The following CEACAM21 variants were observed in gnomAD, a reference collection of about 807,000 sequenced individuals.
CEACAM21 encodes the protein CEA cell adhesion molecule 21, also known as cell adhesion molecule CEACAM21.
CEACAM21 carries 38 observed loss-of-function variants against 33.2 expected under a neutral mutation model. That is an observed-to-expected ratio of 1.14 (90% CI 0.88 to 1.50). The LOEUF is 1.50. Ranked by LOEUF, CEACAM21 falls within the 40% of genes most tolerant of loss-of-function variation. CEACAM21 has a pLI of 0.00. For synonymous variants in CEACAM21, 156 were observed against 143.0 expected, an observed-to-expected ratio of 1.09 and a Z score of -0.65; for missense variants, 385 against 364.6, an observed-to-expected ratio of 1.06 and a Z score of -0.46.
intron 2 of CEACAM21, among the ~76,000 whole-genome samples, chr19:41,566,754 C>T (rs544354173): frequency 4.6e-4 from 70 of 152,212 alleles, no homozygotes; most frequent in African/African-American, 1.7e-3. Flanking sequence ...TTAAAATTCA[C>T]CATAAAAATA....
rs1350099947 is a variant in CEACAM21, at chr19:41,586,694, G to A, written c.*231G>A. The stretch of plus-strand genomic sequence containing the variant: ...TGGGGGTCCCTGCTGAATATATAGA[G>A]ACCTCAACAGACTGCCCCGGGCTCT... On this transcript the variant is annotated 3_prime_UTR_variant, in exon 7 of 7. Coordinates refer to ENST00000401445, the MANE Select transcript of CEACAM21 (RefSeq NM_001098506.4). 3 of 406,760 alleles carry A rather than the reference G, an allele frequency of 7.4e-6. No individual in the cohort carries two copies. The highest frequency in any genetic ancestry group is 2.0e-5 in the South Asian group (1 of 49,688). 25.2% of individuals were successfully genotyped at this position (406,760 alleles called of 1,614,324 possible).
At chr19:41,556,541 A>G (rs529779420) in intron 1 of CEACAM21, among the ~76,000 whole-genome samples, 1 of 152,394 alleles carries the variant, frequency 6.6e-6, no homozygotes, top group East Asian at 1.9e-4. Flanking sequence ...CAGATCTCTT[A>G]TAATCAGATT....
chr19:41,564,065 G>C (rs370959788), intron 1 of CEACAM21, among the ~76,000 whole-genome samples: 2 of 152,202 alleles, frequency 1.3e-5, no homozygotes. Context: ...GGTAAACCTA[G>C]CCTGTCTCAC....
At chr19:41,572,041 A>G (rs1286508528), upstream of CEACAM21, among the ~76,000 whole-genome samples, 2 of 152,116 alleles carry the variant, frequency 1.3e-5, no homozygotes, top group African/African-American at 4.8e-5. Flanking sequence ...GTAGAAATAG[A>G]GAAAAAATGC....
chr19:41,554,117 T>G (rs767508274), intron 1 of CEACAM21, among the ~76,000 whole-genome samples: 2 of 152,056 alleles, frequency 1.3e-5, no homozygotes, highest in Non-Finnish European at 2.9e-5. Context: ...AAAAGATCAC[T>G]TCAGCCTCCT....
intron 1 of CEACAM21, chr19:41,554,868 T>A (rs2041444001): frequency 6.6e-6 from 1 of 152,110 alleles, no homozygotes; most frequent in Non-Finnish European, 1.5e-5. Context: ...TTAATTAATT[T>A]TTTCATAAAC....
At chr19:41,562,979 C>T (rs1344767422) in intron 1 of CEACAM21, among the ~76,000 whole-genome samples, 1 of 152,170 alleles carries the variant, frequency 6.6e-6, no homozygotes, top group Non-Finnish European at 1.5e-5. Flanking sequence ...CCGCCTGCCT[C>T]CGCCTCCCGA....
intron 1 of CEACAM21, among the ~76,000 whole-genome samples, chr19:41,561,135 C>G (rs1555786745): frequency 6.6e-6 from 1 of 152,162 alleles, no homozygotes; most frequent in East Asian, 1.9e-4. Context: ...ATATGAGACA[C>G]AATGACATTT....
upstream of CEACAM21, among the ~76,000 whole-genome samples, chr19:41,574,954 A>G (rs1200047130): frequency 6.6e-6 from 1 of 152,250 alleles, no homozygotes; most frequent in Non-Finnish European, 1.5e-5. Flanking sequence ...CCATTAAGAG[A>G]TGAATGAATT....
At chr19:41,563,175 G>A (rs879953155) in intron 1 of CEACAM21, among the ~76,000 whole-genome samples, 5 of 152,166 alleles carry the variant, frequency 3.3e-5, no homozygotes, top group Non-Finnish European at 7.3e-5. Context: ...ATGGAATTGG[G>A]TTGGGATACA....
rs1416083771 is a variant in CEACAM21, at chr19:41,585,927, A to C, written c.*56A>C. The C allele has an allele frequency of 3.2e-6, 5 of 1,564,140 alleles. No homozygotes were observed. In the African/African-American group the frequency reaches 5.4e-5, roughly 17 times the overall value. On this transcript the variant is annotated intron_variant, in intron 6 of 6. Transcript: ENST00000401445. ...ACTGGGGCCCCAGCTGTGCAGGCTC[A>C]GGGCAGGGGGACTGTCAATCCCCAG...
At chr19:41,585,925 T>G (rs1327134211) in intron 6 of CEACAM21, 54 bp downstream of exon 6, 14 of 1,574,780 alleles carry the variant, frequency 8.9e-6, no homozygotes, top group Admixed American at 3.4e-5. Context: ...CTGTGCAGGC[T>G]CAGGGCAGGG....
chr19:41,577,630 T>C lies in CEACAM21; in HGVS notation c.424+71T>C, dbSNP rs2043051557. The C allele has an allele frequency of 6.3e-6, 10 of 1,592,166 alleles. No individual in the cohort carries two copies. In the South Asian group the frequency reaches 1.1e-4, roughly 18 times the overall value. On this transcript the variant is annotated intron_variant, in intron 2 of 6. Transcript: ENST00000401445. ...TTCACATACGCAGGATTGTCAGGCCTGGGCTGTGCCTGCATCCCCCTCTGC... is the reference window on the plus strand; with the variant it reads ...TTCACATACGCAGGATTGTCAGGCCCGGGCTGTGCCTGCATCCCCCTCTGC...
chr19:41,576,340 T>C lies in CEACAM21; in HGVS notation c.64+2T>C. 6.2e-7 allele frequency: 1 copy of C among 1,608,508 alleles called. No individual in the cohort carries two copies. The highest frequency in any genetic ancestry group is 8.5e-7 in the Non-Finnish European group (1 of 1,177,142). On this transcript the variant is annotated splice_donor_variant, in intron 1 of 6. Transcript: ENST00000401445. LOFTEE classifies it high-confidence loss of function. ...CCTGGCAGGGGCTCTTGCTCACAGGTGAGGGGAGGACTCCCTGGGAGTGGG... is the reference window on the plus strand; with the variant it reads ...CCTGGCAGGGGCTCTTGCTCACAGGCGAGGGGAGGACTCCCTGGGAGTGGG...
At chr19:41,579,077 T>A (rs2043170457) in intron 2 of CEACAM21, among the ~76,000 whole-genome samples, 1 of 152,126 alleles carries the variant, frequency 6.6e-6, no homozygotes, top group Non-Finnish European at 1.5e-5. Context: ...CCCCAGGTAT[T>A]GCATCTCATG....
chr19:41,584,417 T>C lies in CEACAM21; in HGVS notation c.771T>C (p.Cys257=), dbSNP rs782650253. 12 of 1,609,110 alleles carry C rather than the reference T, an allele frequency of 7.5e-6. No individual in the cohort carries two copies. Among genetic ancestry groups the C allele is most frequent in the South Asian group, 3.3e-5 (3 of 90,198 alleles). ...VGSLLVAALV[C]FLLLRKTGRA... ...GTCTTCTGGTGGCTGCACTTGTGTG[T>C]TTCCTGCTCCTCCGAAAAACTGGCA... Residue 257 remains cysteine (C), a synonymous_variant, in exon 4 of 7, where the codon TGT becomes TGC. Transcript: ENST00000401445.
At chr19:41,552,619 C>G (rs1441086160) in intron 1 of CEACAM21, among the ~76,000 whole-genome samples, 1 of 152,130 alleles carries the variant, frequency 6.6e-6, no homozygotes, top group African/African-American at 2.4e-5. Flanking sequence ...TTCTATCATG[C>G]TTGTATATTT....
At chr19:41,560,381 C>T (rs1353474340) in intron 1 of CEACAM21, among the ~76,000 whole-genome samples, 6 of 152,132 alleles carry the variant, frequency 3.9e-5, no homozygotes, top group Non-Finnish European at 8.8e-5. Context: ...CACTGCCATG[C>T]CTGGCTAATT....
Position 41,586,660 on chromosome 19 carries a change from A to G in CEACAM21, c.*197A>G, listed in dbSNP as rs2070754130. 4.0e-6 allele frequency: 2 copies of G among 494,698 alleles called. No homozygotes were observed. 30.6% of individuals were successfully genotyped at this position (494,698 alleles called of 1,614,324 possible). On this transcript the variant is annotated 3_prime_UTR_variant, in exon 7 of 7. Coordinates refer to ENST00000401445, the MANE Select transcript of CEACAM21 (RefSeq NM_001098506.4). ...CCTGAGGAGACACAGGCCTGGGGAC[A>G]GGAAGGGATGGGGGTCCCTGCTGAA...
Sources: gnomAD v4.1 joint callset for allele counts (sites outside exome capture counted in the v4.1 genomes callset) on GRCh38, gnomAD v4.1.1 for gene constraint, MANE v1.5 for transcripts, NCBI Gene and HGNC (gene_info 2026-07-23, HGNC 2026-07-21) for gene names.